Variants in PDLIM5 observed in about 807,000 individuals in gnomAD.
The protein encoded by PDLIM5 is PDZ and LIM domain protein 5.
A neutral mutation model predicts 64.2 loss-of-function variants in PDLIM5; 34 were observed. The ratio of observed to expected loss-of-function variants is 0.53; its 90% CI spans 0.40 to 0.71. PDLIM5 has a LOEUF of 0.71. Among genes scored for constraint, PDLIM5 ranks in the 30% least tolerant of loss-of-function variants. PDLIM5 has a pLI of 0.00. For missense variants in PDLIM5, 683 were observed against 733.6 expected (o/e 0.93, Z 0.80); for synonymous variants, 253 against 269.1 (o/e 0.94, Z 0.59).
chr4:94,662,569 G>T (rs1276102882), intron 12 of PDLIM5, 32 bp downstream of exon 12: 6 of 981,192 alleles, frequency 6.1e-6, no homozygotes, highest in Non-Finnish European at 9.8e-6. Flanking sequence ...AATTAAAGGG[G>T]TATAGTATGG....
intron 3 of PDLIM5, among the ~76,000 whole-genome samples, chr4:94,544,366 C>G (rs915310903): frequency 8.5e-5 from 13 of 152,098 alleles, no homozygotes; most frequent in Admixed American, 6.5e-5. Flanking sequence ...CACCATTCCA[C>G]CCATATAGGT....
At chr4:94,628,307 C>G (rs1471472585) in intron 8 of PDLIM5, among the ~76,000 whole-genome samples, 2 of 152,120 alleles carry the variant, frequency 1.3e-5, no homozygotes, top group African/African-American at 2.4e-5. Flanking sequence ...CCTACCATCT[C>G]TGCTTTTAAA....
In PDLIM5 at chr4:94,615,734, T is replaced by A. The variant is rs11936216; in HGVS notation, c.921-2270T>A. On this transcript the variant is annotated intron_variant, in intron 7 of 12. Transcript: ENST00000317968. ...CTTAAGTGGCTTCTGGTGACAGGGC[T>A]CTCACAGAAAGCCTCATTAGGAACA... Among the ~76,000 whole-genome samples, 514 of 152,314 alleles carry A rather than the reference T, an allele frequency of 3.4e-3. 4 individuals are homozygous for A. Among genetic ancestry groups the A allele is most frequent in the African/African-American group, 0.012 (485 of 41,580 alleles).
At chr4:94,531,484 A>G (rs546648842) in intron 3 of PDLIM5, among the ~76,000 whole-genome samples, 2 of 152,316 alleles carry the variant, frequency 1.3e-5, no homozygotes, top group East Asian at 3.9e-4. Flanking sequence ...TTTGGGCCAC[A>G]CATACAATAT....
chr4:94,631,702 A>G (rs1457413277), intron 8 of PDLIM5, among the ~76,000 whole-genome samples: 1 of 152,186 alleles, frequency 6.6e-6, no homozygotes, highest in Non-Finnish European at 1.5e-5. Flanking sequence ...GCATAAGGAC[A>G]TAGTTTTTGG....
rs147654727 is a variant in PDLIM5 at position 94,539,512 on chromosome 4, G to A, written c.248+15637G>A. On this transcript the variant is annotated intron_variant, in intron 3 of 12. Transcript: ENST00000317968. ...AACTACAGTGGTATGCCAGGTCTAC[G>A]GTAGGATTAGGGAATAGGTAGATAA... Among the ~76,000 whole-genome samples, 10 of 152,204 alleles carry A rather than the reference G, an allele frequency of 6.6e-5. No homozygotes were observed. In the East Asian group the frequency reaches 1.5e-3, roughly 24 times the overall value.
At chr4:94,552,735 A>G (rs928373912) in intron 3 of PDLIM5, among the ~76,000 whole-genome samples, 22 of 152,210 alleles carry the variant, frequency 1.4e-4, no homozygotes, top group African/African-American at 5.3e-4. Context: ...ATAGAGAAGG[A>G]TAAGATCTTT....
chr4:94,634,943 G>A (rs1740442413), intron 8 of PDLIM5, among the ~76,000 whole-genome samples: 1 of 152,150 alleles, frequency 6.6e-6, no homozygotes, highest in Admixed American at 6.5e-5. Flanking sequence ...TACATTGTAT[G>A]CTGAGAAAGT....
chr4:94,651,076 ACTT>A (rs1392214742), intron 9 of PDLIM5, among the ~76,000 whole-genome samples: 2 of 152,194 alleles, frequency 1.3e-5, no homozygotes, highest in African/African-American at 4.8e-5. Flanking sequence ...AACAAGAAGA[ACTT>A]CTTTAGTGTT....
intron 2 of PDLIM5, among the ~76,000 whole-genome samples, chr4:94,517,962 A>T (rs1289947947): frequency 6.6e-6 from 1 of 152,106 alleles, no homozygotes; most frequent in Non-Finnish European, 1.5e-5. Flanking sequence ...GCTGATGCCT[A>T]TTTTCTTAGT....
At chr4:94,586,601 A>C (rs1366465734) in intron 7 of PDLIM5, among the ~76,000 whole-genome samples, 157 bp downstream of exon 7, 1 of 152,198 alleles carries the variant, frequency 6.6e-6, no homozygotes, top group Non-Finnish European at 1.5e-5. Flanking sequence ...CTAAATGTAC[A>C]ACTTGCAGAT....
At chr4:94,626,210 G>T (rs1052977353) in intron 8 of PDLIM5, among the ~76,000 whole-genome samples, 1 of 152,090 alleles carries the variant, frequency 6.6e-6, no homozygotes, top group African/African-American at 2.4e-5. Context: ...TACAATGGGC[G>T]GCCTAAAAGG....
intron 1 of PDLIM5, 134 bp downstream of exon 1, chr4:94,452,129 G>A (rs1207440301): frequency 6.6e-6 from 1 of 152,504 alleles, no homozygotes; most frequent in Non-Finnish European, 1.5e-5. Flanking sequence ...GGGCAGGGAT[G>A]GCTCCTCAGG....
At chr4:94,574,249 T>C (rs146972462) in intron 4 of PDLIM5, among the ~76,000 whole-genome samples, 3 of 152,234 alleles carry the variant, frequency 2.0e-5, no homozygotes, top group Non-Finnish European at 4.4e-5. Flanking sequence ...TGTAATCCCA[T>C]CTTTTTGGGA....
intron 2 of PDLIM5, among the ~76,000 whole-genome samples, chr4:94,514,035 C>T (rs1729132418): frequency 6.6e-6 from 1 of 151,860 alleles, no homozygotes; most frequent in African/African-American, 2.4e-5. Flanking sequence ...GATTAATTTA[C>T]ATTTGTTTAA....
At chr4:94,591,217 C>T (rs556511302) in intron 7 of PDLIM5, among the ~76,000 whole-genome samples, 1 of 152,280 alleles carries the variant, frequency 6.6e-6, no homozygotes, top group East Asian at 1.9e-4. Flanking sequence ...TTTGTTCATC[C>T]CATTCCAGAA....
In PDLIM5 at chr4:94,637,537, C is replaced by T. The variant is rs145570225; in HGVS notation, c.1109-2739C>T. ...TCGTGCCGTTGCACTCCAGCCTGGGCGACAGGGCGAGACTCCGTCTCAAAA... is the reference window on the plus strand; with the variant it reads ...TCGTGCCGTTGCACTCCAGCCTGGGTGACAGGGCGAGACTCCGTCTCAAAA... On this transcript the variant is annotated intron_variant, in intron 8 of 12. Transcript: ENST00000317968. Among the ~76,000 whole-genome samples the T allele has an allele frequency of 6.5e-3, 985 of 152,136 alleles. 14 individuals carry two copies. The highest frequency in any genetic ancestry group is 0.021 in the African/African-American group (881 of 41,492).
At chr4:94,636,779 C>T (rs1253528395) in intron 8 of PDLIM5, among the ~76,000 whole-genome samples, 2 of 152,116 alleles carry the variant, frequency 1.3e-5, no homozygotes, top group Non-Finnish European at 2.9e-5. Context: ...TCATGATCCG[C>T]CCGCCTCGGC....
intron 7 of PDLIM5, among the ~76,000 whole-genome samples, chr4:94,617,676 A>G (rs938245859): frequency 6.6e-6 from 1 of 151,530 alleles, no homozygotes; most frequent in Non-Finnish European, 1.5e-5. Context: ...GTAGAAGAAG[A>G]AAAAGAGTAA....
Sources: allele counts gnomAD v4.1 joint callset (sites outside exome capture counted in the v4.1 genomes callset), GRCh38; gene constraint gnomAD v4.1.1; transcripts MANE v1.5; gene names NCBI Gene and HGNC (gene_info 2026-07-23, HGNC 2026-07-21).